The following MLLT3 variants were observed in gnomAD, a reference collection of about 807,000 sequenced individuals.
MLLT3 encodes MLLT3 super elongation complex subunit, also known as protein AF-9.
MLLT3 carries 4 observed loss-of-function variants against 53.2 expected under a neutral mutation model. The observed-to-expected ratio is 0.08, with a 90% CI of 0.04 to 0.17. The LOEUF (loss-of-function observed/expected upper bound fraction) is 0.17. Ranked by LOEUF, MLLT3 falls within the 10% of genes least tolerant of loss-of-function variation. MLLT3 has a pLI of 1.00. For synonymous variants in MLLT3, 283 were observed against 230.6 expected, an observed-to-expected ratio of 1.23 and a Z score of -2.06; for missense variants, 569 against 684.0, an observed-to-expected ratio of 0.83 and a Z score of 1.87.
In MLLT3 at chr9:20,620,365, C is replaced by G. The variant is rs1046933649; in HGVS notation, c.193+289G>C. Among the ~76,000 whole-genome samples, 30 of 151,980 alleles carry G rather than the reference C, an allele frequency of 2.0e-4. No homozygotes were observed. Among genetic ancestry groups the G allele is most frequent in the Non-Finnish European group, 2.5e-4 (17 of 67,968 alleles). On this transcript the variant is annotated intron_variant, in intron 2 of 10. Transcript: ENST00000380338. This position sits in a 1 kb window ranked among gnomAD's most constrained non-coding sequence, Gnocchi z 6.1. ...ACTCAACAACTAATTGCACCTTCCC[C>G]ACAGAACCCGCGGCTAACCCCAGAG...
Position 20,343,347 on chromosome 9 carries a change from T to G in MLLT3, c.*3096A>C, listed in dbSNP as rs1261900522. ...TTAAGACACTCTCTTAAGAGATATT[T>G]TTTTCCTGATCTGAAGTTTTTATAG... On this transcript the variant is annotated 3_prime_UTR_variant, in exon 11 of 11. Coordinates refer to ENST00000380338, the MANE Select transcript of MLLT3 (RefSeq NM_004529.4). 5 of 210,570 alleles carry G rather than the reference T, an allele frequency of 2.4e-5. No homozygotes were observed. Among genetic ancestry groups the G allele is most frequent in the Non-Finnish European group, 4.8e-5 (5 of 103,914 alleles). 13.0% of individuals were successfully genotyped at this position (210,570 alleles called of 1,614,324 possible). A position where few individuals can be genotyped will look rare whatever the true frequency, so the allele number is the denominator to read the frequency against.
intron 2 of MLLT3, among the ~76,000 whole-genome samples, chr9:20,593,057 T>A (rs1820168175): frequency 6.6e-6 from 1 of 152,190 alleles, no homozygotes; most frequent in African/African-American, 2.4e-5. Flanking sequence ...CAGAACTTAA[T>A]AAAAGCTCAA....
intron 5 of MLLT3, among the ~76,000 whole-genome samples, chr9:20,368,707 A>G (rs547954430): frequency 2.9e-3 from 442 of 152,340 alleles, no homozygotes; most frequent in Admixed American, 4.4e-3. Context: ...AAATAGGAAC[A>G]TAACACAACA....
At chr9:20,398,892 C>A (rs1246615407) in intron 5 of MLLT3, among the ~76,000 whole-genome samples, 3 of 151,992 alleles carry the variant, frequency 2.0e-5, no homozygotes, top group Admixed American at 2.0e-4. Context: ...ACGGTGAAAT[C>A]AGCTAAAAAA....
chr9:20,480,724 T>G (rs1313272961), intron 2 of MLLT3, among the ~76,000 whole-genome samples: 1 of 152,180 alleles, frequency 6.6e-6, no homozygotes, highest in Non-Finnish European at 1.5e-5. Context: ...ATGCACTGAC[T>G]CACCGAACAA....
At chr9:20,355,095 TAAAA>T (rs531598773) in intron 8 of MLLT3, among the ~76,000 whole-genome samples, 1 of 64,142 alleles carries the variant, frequency 1.6e-5, no homozygotes, top group Non-Finnish European at 3.4e-5. Flanking sequence ...AAAGTAGAAC[TAAAA>T]AAAAAAAAAA....
In MLLT3 at chr9:20,448,520, AG is replaced by A. The variant is rs1419674974; in HGVS notation, c.277-255del. On this transcript the variant is annotated intron_variant, in intron 3 of 10. Transcript: ENST00000380338. The surrounding 1 kb of genome is among the most constrained non-coding windows in gnomAD (Gnocchi z 4.0). ...CTTCTCTTCTTCCCCATGATCTTTC[AG>A]GTGACAGGATACCAGCAACATAGCC... is the stretch of plus-strand genomic sequence containing the variant. Among the ~76,000 whole-genome samples the A allele has an allele frequency of 6.6e-6, 1 of 152,118 alleles. No homozygotes were observed. The highest frequency in any genetic ancestry group is 2.4e-5 in the African/African-American group (1 of 41,418).
intron 10 of MLLT3, among the ~76,000 whole-genome samples, chr9:20,347,954 T>C (rs1334988030): frequency 6.6e-6 from 1 of 152,188 alleles, no homozygotes; most frequent in Non-Finnish European, 1.5e-5. Flanking sequence ...AAAAATACAG[T>C]AAATTTGTGA....
rs566131551 is a variant in MLLT3 at position 20,531,199 on chromosome 9, G to A, written c.194-74413C>T. 1.9e-4 allele frequency among the ~76,000 whole-genome samples: 28 copies of A among 147,552 alleles called. 1 individual carries two copies. The highest frequency in any genetic ancestry group is 3.3e-4 in the Non-Finnish European group (22 of 67,334). ...CACCCAGGCTGGAGTGTAATGGCGC[G>A]ATCTCGGCTCACTGCAACCTCTACC... On this transcript the variant is annotated intron_variant, in intron 2 of 10. Coordinates refer to ENST00000380338, the MANE Select transcript of MLLT3 (RefSeq NM_004529.4).
At chr9:20,612,088 C>A (rs1191270226) in intron 2 of MLLT3, among the ~76,000 whole-genome samples, 1 of 152,156 alleles carries the variant, frequency 6.6e-6, no homozygotes, top group Non-Finnish European at 1.5e-5. Flanking sequence ...ACAAAAGCAG[C>A]TATTGCTGAA....
Position 20,448,123 on chromosome 9 carries a change from C to T in MLLT3, c.420G>A (p.Gly140=), listed in dbSNP as rs1468839939. ...CTTTTCACAAGAGAGTGCCACTTAC[C>T]CCTCCTGCCTTCAGCAACTTTCTCC... is the stretch of plus-strand genomic sequence containing the variant. ...DFRRKLLKAG[G]DPNRSIHTSS... is the part of the protein sequence containing the mutation. The change falls in exon 4 of 11, where the codon GGG becomes GGA. Residue 140 remains glycine, a splice_region_variant and synonymous_variant. Coordinates refer to ENST00000380338, the MANE Select transcript of MLLT3 (RefSeq NM_004529.4). This position sits in a 1 kb window ranked among gnomAD's most constrained non-coding sequence, Gnocchi z 4.0. 24 of 1,610,212 alleles carry T rather than the reference C, an allele frequency of 1.5e-5. No homozygotes were observed. The highest frequency in any genetic ancestry group is 1.8e-5 in the Non-Finnish European group (21 of 1,178,554).
chr9:20,369,406 A>G (rs2118663421), intron 5 of MLLT3, among the ~76,000 whole-genome samples: 1 of 152,370 alleles, frequency 6.6e-6, no homozygotes, highest in East Asian at 1.9e-4. Flanking sequence ...TTAAGAAAGC[A>G]TGACTATATA....
intron 2 of MLLT3, among the ~76,000 whole-genome samples, chr9:20,598,997 T>C (rs1393521516): frequency 6.6e-6 from 1 of 152,166 alleles, no homozygotes; most frequent in Non-Finnish European, 1.5e-5. Context: ...TCCAGAGGAC[T>C]CAAATCATTA....
chr9:20,363,418 G>A (rs1029887813), intron 7 of MLLT3, 58 bp downstream of exon 7: 1 of 1,598,988 alleles, frequency 6.3e-7, no homozygotes, highest in Non-Finnish European at 8.5e-7. Context: ...ATCCCAGCAG[G>A]GCTTGTGAAA....
rs2118571315 is a variant in MLLT3 at position 20,343,409 on chromosome 9, G to A, written c.*3034C>T. The A allele has an allele frequency of 4.6e-6, 1 of 216,448 alleles. No homozygotes were observed. Among genetic ancestry groups the A allele is most frequent in the African/African-American group, 2.3e-5 (1 of 44,350 alleles). 13.4% of individuals were successfully genotyped at this position (216,448 alleles called of 1,614,324 possible). ...TTGACACTATATGAACGCATTTATA[G>A]ACATACCTATTTGTCTGTATTAAGA... On this transcript the variant is annotated 3_prime_UTR_variant, in exon 11 of 11. Transcript: ENST00000380338.
In MLLT3 at chr9:20,342,549, CA is replaced by C; in HGVS notation, c.*3893del. On this transcript the variant is annotated 3_prime_UTR_variant, in exon 11 of 11. Transcript: ENST00000380338. Reference sequence around the variant, plus strand: ...TTTCAGAATACTGGAGTACAAGTGCCAAAATACACATTTACAGTTTACAGAC... The same window carrying C: ...TTTCAGAATACTGGAGTACAAGTGCCAAATACACATTTACAGTTTACAGAC... 1 of 221,558 alleles carries C rather than the reference CA, an allele frequency of 4.5e-6. No homozygotes were observed. The highest frequency in any genetic ancestry group is 9.0e-6 in the Non-Finnish European group (1 of 110,740). 13.7% of individuals were successfully genotyped at this position (221,558 alleles called of 1,614,324 possible).
At chr9:20,431,011 G>A (rs1365026387) in intron 4 of MLLT3, among the ~76,000 whole-genome samples, 3 of 152,034 alleles carry the variant, frequency 2.0e-5, no homozygotes, top group South Asian at 2.1e-4. Context: ...CAAAATAAGA[G>A]AATAATGATA....
intron 2 of MLLT3, among the ~76,000 whole-genome samples, chr9:20,551,015 T>G (rs988185546): frequency 1.2e-4 from 18 of 152,194 alleles, no homozygotes; most frequent in Non-Finnish European, 2.9e-5. Flanking sequence ...TCCTCCCACC[T>G]TAGCCTTCCA....
At chr9:20,463,584 T>C (rs1824164421) in intron 2 of MLLT3, among the ~76,000 whole-genome samples, 3 of 152,174 alleles carry the variant, frequency 2.0e-5, no homozygotes, top group Admixed American at 2.0e-4. Flanking sequence ...GTGCTTCTCC[T>C]AGCAACTTCC....
Sources: gnomAD v4.1 joint callset for allele counts (sites outside exome capture counted in the v4.1 genomes callset) on GRCh38, gnomAD v4.1.1 for gene constraint, Gnocchi (gnomAD v3.1) non-coding constraint, MANE v1.5 for transcripts, NCBI Gene and HGNC (gene_info 2026-07-23, HGNC 2026-07-21) for gene names.